DOK6: variants seen among roughly 807,000 people sequenced by gnomAD.
The protein encoded by DOK6 is downstream of tyrosine kinase 6.
A neutral mutation model predicts 44.0 loss-of-function variants in DOK6; 22 were observed. That is an observed-to-expected ratio of 0.50 (90% CI 0.36 to 0.71). The LOEUF (loss-of-function observed/expected upper bound fraction) is 0.71. DOK6 is among the 30% of genes least tolerant of loss of function. The pLI is 0.00. For synonymous variants in DOK6, 166 were observed against 145.5 expected (o/e 1.14, Z -1.01); for missense variants, 340 against 416.4 (o/e 0.82, Z 1.60).
chr18:69,675,180 G>T (rs1368125390), intron 3 of DOK6, among the ~76,000 whole-genome samples: 1 of 152,106 alleles, frequency 6.6e-6, no homozygotes, highest in Non-Finnish European at 1.5e-5. Flanking sequence ...TCTGCATTTA[G>T]TTCTGCTTGA....
chr18:69,428,832 A>C (rs1449272152), intron 1 of DOK6, among the ~76,000 whole-genome samples: 1 of 152,252 alleles, frequency 6.6e-6, no homozygotes, highest in Non-Finnish European at 1.5e-5. Flanking sequence ...TCAGTGTGGT[A>C]CTATATTTTA....
At chr18:69,673,230 G>GTATA (rs71176998) in intron 3 of DOK6, among the ~76,000 whole-genome samples, 10,369 of 149,964 alleles carry the variant, frequency 0.069, 1,133 homozygotes, top group African/African-American at 0.23. Flanking sequence ...TTTTCTGTGT[G>GTATA]TATATATATA....
Position 69,655,389 on chromosome 18 carries a change from A to G in DOK6, c.290-22345A>G, listed in dbSNP as rs182912169. Among the ~76,000 whole-genome samples the G allele has an allele frequency of 5.6e-4, 85 of 152,312 alleles. 1 individual carries two copies. The highest frequency in any genetic ancestry group is 3.4e-3 in the Middle Eastern group (1 of 294). On this transcript the variant is annotated intron_variant, in intron 3 of 7. Transcript: ENST00000382713. ...TTAAAATGCCATTGAAATGGAAAGG[A>G]TTAAATAAAATTAGTCTATCTGAGA...
intron 3 of DOK6, among the ~76,000 whole-genome samples, chr18:69,666,445 T>A (rs974744179): frequency 4.6e-5 from 7 of 151,996 alleles, no homozygotes; most frequent in South Asian, 2.1e-4. Context: ...TATTTTTTTT[T>A]AAATTAGACA....
rs1350631419 is a variant in DOK6 at position 69,847,018 on chromosome 18, CTT to C, written c.*5638_*5639del. 1.3e-5 allele frequency: 2 copies of C among 152,106 alleles called. No homozygotes were observed. Among genetic ancestry groups the C allele is most frequent in the Non-Finnish European group, 2.9e-5 (2 of 68,014 alleles). 9.4% of individuals were successfully genotyped at this position (152,106 alleles called of 1,614,324 possible). A position where few individuals can be genotyped will look rare whatever the true frequency, so the allele number is the denominator to read the frequency against. ...ACATTATACTTGTAATTTTCAGACA[CTT>C]TTCTCCTACCTTAAGATTTTAACAT... On this transcript the variant is annotated 3_prime_UTR_variant, in exon 8 of 8. Transcript: ENST00000382713.
chr18:69,487,528 C>T (rs527445791), intron 1 of DOK6, among the ~76,000 whole-genome samples: 1 of 152,144 alleles, frequency 6.6e-6, no homozygotes, highest in Admixed American at 6.5e-5. Context: ...TTATTATTTT[C>T]ATTAATATGA....
intron 3 of DOK6, among the ~76,000 whole-genome samples, chr18:69,667,903 C>T (rs983673490): frequency 6.6e-6 from 1 of 152,170 alleles, no homozygotes; most frequent in African/African-American, 2.4e-5. Flanking sequence ...GAATTTCTCT[C>T]CTGAATACCA....
chr18:69,809,384 A>G (rs1981148343), intron 7 of DOK6, among the ~76,000 whole-genome samples: 1 of 151,786 alleles, frequency 6.6e-6, no homozygotes, highest in African/African-American at 2.4e-5. Flanking sequence ...TTTCTCTAAG[A>G]TACAGAACAA....
chr18:69,726,260 AT>A (rs1978306652), intron 5 of DOK6, among the ~76,000 whole-genome samples: 1 of 152,164 alleles, frequency 6.6e-6, no homozygotes, highest in Non-Finnish European at 1.5e-5. Flanking sequence ...AGTTCACTGA[AT>A]AACGCTCTTG....
At chr18:69,546,350 A>G (rs1352715361) in intron 1 of DOK6, among the ~76,000 whole-genome samples, 1 of 151,468 alleles carries the variant, frequency 6.6e-6, no homozygotes, top group East Asian at 1.9e-4. Context: ...GCATAAATAT[A>G]AATGGCTAGC....
rs1982397560 is a variant in DOK6 at position 69,848,294 on chromosome 18, TATA to T, written c.*6914_*6916del. 4 of 152,344 alleles carry T rather than the reference TATA, an allele frequency of 2.6e-5. No individual in the cohort carries two copies. In the South Asian group the frequency reaches 8.3e-4, roughly 32 times the overall value. The allele number at this position is 152,344 out of a possible 1,614,324, so 9.4% of individuals were successfully genotyped here. A position where few individuals can be genotyped will look rare whatever the true frequency, so the allele number is the denominator to read the frequency against. ...GCGATGTCATCTGTAGTTGGTTCAA[TATA>T]ATGTTTATGATCATTTTGATAAGAA... On this transcript the variant is annotated 3_prime_UTR_variant, in exon 8 of 8. Coordinates refer to ENST00000382713, the MANE Select transcript of DOK6 (RefSeq NM_152721.6).
chr18:69,789,233 T>G, intron 7 of DOK6, among the ~76,000 whole-genome samples: 1 of 152,310 alleles, frequency 6.6e-6, no homozygotes, highest in East Asian at 1.9e-4. Flanking sequence ...ATGGAAATTA[T>G]TAAATATTTG....
chr18:69,584,806 A>G (rs1034300204), intron 2 of DOK6, among the ~76,000 whole-genome samples: 2 of 92,454 alleles, frequency 2.2e-5, no homozygotes, highest in African/African-American at 5.5e-5. Flanking sequence ...CAATTTTGAT[A>G]TTTTATATTT....
intron 7 of DOK6, among the ~76,000 whole-genome samples, chr18:69,829,625 T>A (rs973723506): frequency 9.2e-5 from 14 of 151,900 alleles, no homozygotes; most frequent in African/African-American, 2.7e-4. Flanking sequence ...AGAGCTAAAG[T>A]TAGAAGAAAT....
chr18:69,751,677 C>A (rs1207730986), intron 6 of DOK6, among the ~76,000 whole-genome samples: 1 of 152,008 alleles, frequency 6.6e-6, no homozygotes, highest in African/African-American at 2.4e-5. Flanking sequence ...AGTGCATGTT[C>A]TCTACTACAA....
intron 3 of DOK6, among the ~76,000 whole-genome samples, chr18:69,625,797 G>C (rs1202297245): frequency 1.3e-5 from 2 of 152,134 alleles, no homozygotes; most frequent in Non-Finnish European, 2.9e-5. Flanking sequence ...GTAAACTCAG[G>C]CTTGATCATT....
intron 3 of DOK6, among the ~76,000 whole-genome samples, chr18:69,639,754 AG>A (rs1984895158): frequency 6.6e-6 from 1 of 152,026 alleles, no homozygotes; most frequent in Non-Finnish European, 1.5e-5. Context: ...GAAGACAGAA[AG>A]AAAGAGAAAG....
intron 1 of DOK6, among the ~76,000 whole-genome samples, chr18:69,564,098 T>A (rs1405536951): frequency 1.3e-5 from 1 of 76,736 alleles, no homozygotes; most frequent in Non-Finnish European, 2.8e-5. Context: ...TCAAATGTGA[T>A]TTTTTTCAAA....
chr18:69,624,874 A>G (rs1568314760), intron 3 of DOK6, among the ~76,000 whole-genome samples: 1 of 152,236 alleles, frequency 6.6e-6, no homozygotes, highest in South Asian at 2.1e-4. Context: ...CCTATTAAAC[A>G]TCGTCTTTTC....
Sources: gnomAD v4.1 joint callset for allele counts (sites outside exome capture counted in the v4.1 genomes callset) on GRCh38, gnomAD v4.1.1 for gene constraint, MANE v1.5 for transcripts, NCBI Gene and HGNC (gene_info 2026-07-23, HGNC 2026-07-21) for gene names.